Variants in FGF12 observed in about 807,000 individuals in gnomAD.
The protein encoded by FGF12 is fibroblast growth factor 12.
A neutral mutation model predicts 23.6 loss-of-function variants in FGF12; 14 were observed. That is an observed-to-expected ratio of 0.59 (90% CI 0.39 to 0.93). The LOEUF (loss-of-function observed/expected upper bound fraction) is 0.93, where lower values mean the gene tolerates loss of function less well. Ranked by LOEUF, FGF12 falls within the 40% of genes least tolerant of loss-of-function variation. FGF12 has a pLI of 0.00. For missense variants in FGF12, 175 were observed against 217.8 expected (o/e 0.80, Z 1.24); for synonymous variants, 62 against 77.3 (o/e 0.80, Z 1.04).
chr3:192,565,678 C>T (rs866646193), intron 2 of FGF12, among the ~76,000 whole-genome samples: 13 of 152,290 alleles, frequency 8.5e-5, no homozygotes, highest in East Asian at 1.9e-4. Context: ...ACACTACAGC[C>T]TAGTTGTATA....
intron 2 of FGF12, among the ~76,000 whole-genome samples, chr3:192,666,026 A>T (rs1716858804): frequency 6.6e-6 from 1 of 152,224 alleles, no homozygotes; most frequent in Non-Finnish European, 1.5e-5. Context: ...TTATGCAGTT[A>T]AAACAAAACC....
At chr3:192,598,987 T>A (rs1713979720) in intron 2 of FGF12, among the ~76,000 whole-genome samples, 1 of 152,062 alleles carries the variant, frequency 6.6e-6, no homozygotes, top group Admixed American at 6.6e-5. Context: ...TTGAAAACCA[T>A]CATTCTCAGC....
intron 3 of FGF12, among the ~76,000 whole-genome samples, chr3:192,340,483 A>C (rs1717638554): frequency 6.6e-6 from 1 of 152,198 alleles, no homozygotes; most frequent in African/African-American, 2.4e-5. Context: ...CAGACTAAAT[A>C]ATACTACAAT....
At chr3:192,248,842 G>C (rs1437152712) in intron 4 of FGF12, among the ~76,000 whole-genome samples, 1 of 152,102 alleles carries the variant, frequency 6.6e-6, no homozygotes, top group African/African-American at 2.4e-5. Context: ...TTTTATTTTA[G>C]CTTAACACAA....
At chr3:192,305,695 T>TATATATAA (rs1299668639) in intron 4 of FGF12, among the ~76,000 whole-genome samples, 24 of 144,778 alleles carry the variant, frequency 1.7e-4, no homozygotes, top group African/African-American at 5.3e-4. Context: ...TATATATATA[T>TATATATAA]AAATATATAT....
intron 2 of FGF12, among the ~76,000 whole-genome samples, chr3:192,685,286 C>A (rs970245556): frequency 6.6e-6 from 1 of 152,128 alleles, no homozygotes; most frequent in Non-Finnish European, 1.5e-5. Context: ...CTCTTGACCT[C>A]GTGATCCGCC....
chr3:192,721,482 A>C (rs991422227), intron 2 of FGF12, among the ~76,000 whole-genome samples: 1 of 152,190 alleles, frequency 6.6e-6, no homozygotes, highest in African/African-American at 2.4e-5. Flanking sequence ...AAGCCTTTTG[A>C]AAAAGTACAA....
intron 2 of FGF12, among the ~76,000 whole-genome samples, chr3:192,425,136 T>C (rs1406754970): frequency 6.6e-6 from 1 of 152,202 alleles, no homozygotes; most frequent in Non-Finnish European, 1.5e-5. Context: ...CCCTCAGTCA[T>C]TGGGCACTTA....
chr3:192,363,490 G>A (rs991645570), intron 2 of FGF12, among the ~76,000 whole-genome samples: 1 of 152,102 alleles, frequency 6.6e-6, no homozygotes, highest in Non-Finnish European at 1.5e-5. Flanking sequence ...CAGGCCCAGA[G>A]TCTGCGTTTT....
rs180781099 is a variant in FGF12, at chr3:192,159,776, A to G, written c.427+10682T>C. Among the ~76,000 whole-genome samples the G allele has an allele frequency of 6.6e-5, 10 of 152,236 alleles. No individual in the cohort carries two copies. In the East Asian group the frequency reaches 1.7e-3, roughly 26 times the overall value. On this transcript the variant is annotated intron_variant, in intron 5 of 5. Coordinates refer to ENST00000445105, the MANE Select transcript of FGF12 (RefSeq NM_004113.6). ...CTAGAGAGGATGATTTGCTATTGGTATCCTGAACATAGAGGCTATAGATGT... is the reference window on the plus strand; with the variant it reads ...CTAGAGAGGATGATTTGCTATTGGTGTCCTGAACATAGAGGCTATAGATGT...
intron 2 of FGF12, among the ~76,000 whole-genome samples, chr3:192,491,729 A>G (rs1723809108): frequency 6.6e-6 from 1 of 152,126 alleles, no homozygotes; most frequent in Non-Finnish European, 1.5e-5. Context: ...TTCCAGTAGT[A>G]TTTCCTAGCC....
At chr3:192,701,337 C>T (rs1577129642) in intron 2 of FGF12, among the ~76,000 whole-genome samples, 1 of 152,116 alleles carries the variant, frequency 6.6e-6, no homozygotes, top group Admixed American at 6.6e-5. Context: ...CGTATAAAAC[C>T]AAGCCGTAGC....
At chr3:192,294,007 T>C (rs766749487) in intron 4 of FGF12, among the ~76,000 whole-genome samples, 4 of 151,972 alleles carry the variant, frequency 2.6e-5, no homozygotes, top group African/African-American at 4.8e-5. Flanking sequence ...TGGGAGATAA[T>C]TGAATCATGG....
At chr3:192,485,264 G>A (rs571025308) in intron 2 of FGF12, among the ~76,000 whole-genome samples, 6 of 152,208 alleles carry the variant, frequency 3.9e-5, no homozygotes, top group South Asian at 2.1e-4. Flanking sequence ...ATTTTGAAAC[G>A]AATGTTTCTG....
In FGF12 at chr3:192,429,262, C is replaced by A. The variant is rs114041825; in HGVS notation, c.14-68724G>T. 5.4e-3 allele frequency among the ~76,000 whole-genome samples: 824 copies of A among 152,262 alleles called. 4 individuals carry two copies. The highest frequency in any genetic ancestry group is 0.015 in the East Asian group (79 of 5,162). On this transcript the variant is annotated intron_variant, in intron 2 of 5. Transcript: ENST00000445105. ...ATTAATAATTTTAAACTGTAAAGCA[C>A]ACTGGCACCACTTAAAGACTGGCTT... is the stretch of plus-strand genomic sequence containing the variant.
At chr3:192,713,333 A>C (rs1344961286) in intron 2 of FGF12, among the ~76,000 whole-genome samples, 1 of 152,192 alleles carries the variant, frequency 6.6e-6, no homozygotes, top group East Asian at 1.9e-4. Flanking sequence ...ATTGTTTAGC[A>C]TATGAAGGTA....
intron 2 of FGF12, among the ~76,000 whole-genome samples, chr3:192,505,791 G>A (rs1419456335): frequency 6.6e-6 from 1 of 152,188 alleles, no homozygotes; most frequent in East Asian, 1.9e-4. Flanking sequence ...CTGGGAAGGA[G>A]ATTTTATTTC....
chr3:192,241,902 T>A (rs1480191553), intron 4 of FGF12, among the ~76,000 whole-genome samples: 1 of 152,152 alleles, frequency 6.6e-6, no homozygotes, highest in East Asian at 1.9e-4. Context: ...CAAAACCAAC[T>A]GTTCTTGAGT....
intron 2 of FGF12, among the ~76,000 whole-genome samples, chr3:192,626,857 C>T (rs777580600): frequency 6.6e-6 from 1 of 152,168 alleles, no homozygotes; most frequent in Non-Finnish European, 1.5e-5. Flanking sequence ...ATCCTCTCAC[C>T]TCAGCCTCCC....
Sources: gnomAD v4.1 joint callset for allele counts (sites outside exome capture counted in the v4.1 genomes callset) on GRCh38, gnomAD v4.1.1 for gene constraint, MANE v1.5 for transcripts, NCBI Gene and HGNC (gene_info 2026-07-23, HGNC 2026-07-21) for gene names.